ANO4: variants seen among roughly 807,000 people sequenced by gnomAD.
The protein encoded by ANO4 is anoctamin-4.
A neutral mutation model predicts 141.9 loss-of-function variants in ANO4; 69 were observed. The ratio of observed to expected loss-of-function variants is 0.49; its 90% CI spans 0.40 to 0.59. The LOEUF is 0.59. Among genes scored for constraint, ANO4 ranks in the 20% least tolerant of loss-of-function variants. The pLI is 0.00. For missense variants in ANO4, 894 were observed against 1,162.2 expected, an observed-to-expected ratio of 0.77 and a Z score of 3.36; for synonymous variants, 350 against 394.3, an observed-to-expected ratio of 0.89 and a Z score of 1.33.
intron 21 of ANO4, 63 bp from the exon 22 acceptor site, chr12:101,099,515 T>C: frequency 1.4e-6 from 2 of 1,457,822 alleles, no homozygotes; most frequent in Non-Finnish European, 1.8e-6. Flanking sequence ...ACTCTCCTTT[T>C]TCTTATTACC....
chr12:100,746,322 A>C (rs1431456937), intron 3 of ANO4, among the ~76,000 whole-genome samples: 1 of 152,064 alleles, frequency 6.6e-6, no homozygotes, highest in Admixed American at 6.6e-5. Context: ...GCGTGGTGTC[A>C]TGCACCTGTA....
chr12:100,848,808 T>C (rs761220417), intron 1 of ANO4, among the ~76,000 whole-genome samples: 7 of 152,316 alleles, frequency 4.6e-5, no homozygotes, highest in Admixed American at 2.0e-4. Flanking sequence ...TCCTGTTGTC[T>C]TTTGGACTTC....
chr12:101,043,401 A>G, intron 12 of ANO4, 138 bp from the exon 13 acceptor site: 1 of 599,034 alleles, frequency 1.7e-6, no homozygotes, highest in Admixed American at 2.9e-5. Flanking sequence ...GTTTACATTA[A>G]TAACAGATAA....
At chr12:100,864,532 C>T (rs952412521) in intron 1 of ANO4, among the ~76,000 whole-genome samples, 6 of 152,102 alleles carry the variant, frequency 3.9e-5, no homozygotes, top group African/African-American at 1.4e-4. Context: ...CTGTAGCTTC[C>T]TCTTCCTTTC....
intron 13 of ANO4, 53 bp downstream of exon 13, chr12:101,043,688 T>C (rs1239927383): frequency 6.3e-6 from 8 of 1,273,418 alleles, no homozygotes; most frequent in Non-Finnish European, 2.3e-6. Context: ...TACACCTTCC[T>C]GAGGGATGGT....
At chr12:100,921,020 T>G (rs1227428113) in intron 2 of ANO4, among the ~76,000 whole-genome samples, 1 of 152,122 alleles carries the variant, frequency 6.6e-6, no homozygotes, top group Non-Finnish European at 1.5e-5. Context: ...TAATAAGAAT[T>G]TCAACGTTGG....
At chr12:101,119,738 A>C (rs562571079) in intron 25 of ANO4, among the ~76,000 whole-genome samples, 21 of 152,324 alleles carry the variant, frequency 1.4e-4, no homozygotes, top group African/African-American at 4.3e-4. Context: ...AATGAAATTC[A>C]GGGTAAGGGA....
intron 1 of ANO4, among the ~76,000 whole-genome samples, chr12:100,873,688 T>C (rs1465712897): frequency 6.6e-6 from 1 of 151,960 alleles, no homozygotes; most frequent in African/African-American, 2.4e-5. Context: ...GGAAGTAGAG[T>C]GTAAAAATTT....
intron 8 of ANO4, among the ~76,000 whole-genome samples, chr12:101,005,414 G>A (rs1001156274): frequency 6.6e-6 from 1 of 152,110 alleles, no homozygotes; most frequent in African/African-American, 2.4e-5. Flanking sequence ...TCTCAGTTGA[G>A]TCTGCATCAA....
chr12:101,052,706 C>T (rs2047924622), intron 14 of ANO4, among the ~76,000 whole-genome samples: 1 of 152,056 alleles, frequency 6.6e-6, no homozygotes, highest in Admixed American at 6.5e-5. Flanking sequence ...TTTATGCTAA[C>T]TTTATATTTT....
chr12:100,720,449 A>G (rs915044205), intron 1 of ANO4, among the ~76,000 whole-genome samples: 3 of 151,818 alleles, frequency 2.0e-5, no homozygotes, highest in Admixed American at 6.6e-5. Context: ...TGAGCTTGTC[A>G]TGTTCAAGGC....
intron 2 of ANO4, among the ~76,000 whole-genome samples, chr12:100,912,997 G>A (rs1016762714): frequency 2.0e-5 from 3 of 152,132 alleles, no homozygotes; most frequent in Non-Finnish European, 4.4e-5. Context: ...ATAGGTGGGG[G>A]TGCTTAGGAA....
At chr12:101,070,019 G>T (rs968754862) in intron 14 of ANO4, among the ~76,000 whole-genome samples, 4 of 151,782 alleles carry the variant, frequency 2.6e-5, no homozygotes, top group African/African-American at 9.7e-5. Context: ...AATTGAAGAG[G>T]ACACAAAAAA....
intron 8 of ANO4, among the ~76,000 whole-genome samples, chr12:100,996,512 T>G (rs1288972445): frequency 1.3e-5 from 2 of 152,138 alleles, no homozygotes; most frequent in Admixed American, 6.6e-5. Flanking sequence ...GGTGAAACCC[T>G]GTCTCTACTA....
chr12:100,895,269 C>G (rs1432188459), intron 1 of ANO4, among the ~76,000 whole-genome samples: 1 of 151,878 alleles, frequency 6.6e-6, no homozygotes, highest in African/African-American at 2.4e-5. Context: ...AAGAGTAATG[C>G]AACACATAGA....
At chr12:100,961,915 A>G (rs2043442407) in intron 5 of ANO4, among the ~76,000 whole-genome samples, 1 of 152,182 alleles carries the variant, frequency 6.6e-6, no homozygotes, top group Non-Finnish European at 1.5e-5. Context: ...TACACTAAAC[A>G]TTGATTTTCC....
At chr12:100,753,996 GTCA>G (rs1490198934) in intron 3 of ANO4, among the ~76,000 whole-genome samples, 2 of 152,184 alleles carry the variant, frequency 1.3e-5, no homozygotes, top group African/African-American at 4.8e-5. Context: ...CTCATTTGCA[GTCA>G]TCATCCCTCA....
chr12:100,821,307 G>A (rs933311884), intron 1 of ANO4, among the ~76,000 whole-genome samples: 1 of 152,048 alleles, frequency 6.6e-6, no homozygotes, highest in Non-Finnish European at 1.5e-5. Flanking sequence ...AGTGGCTGGA[G>A]CAATGAGGAA....
intron 12 of ANO4, among the ~76,000 whole-genome samples, chr12:101,043,242 T>G (rs886998878): frequency 1.8e-4 from 28 of 152,222 alleles, no homozygotes; most frequent in African/African-American, 6.8e-4. Flanking sequence ...GCTTCAGACC[T>G]TTGAAAAGTG....
Sources: gnomAD v4.1 joint callset for allele counts (sites outside exome capture counted in the v4.1 genomes callset) on GRCh38, gnomAD v4.1.1 for gene constraint, MANE v1.5 for transcripts, NCBI Gene and HGNC (gene_info 2026-07-23, HGNC 2026-07-21) for gene names.